NSMCE2: variants seen among roughly 807,000 people sequenced by gnomAD.
The protein encoded by NSMCE2 is E3 SUMO-protein ligase NSE2.
A neutral mutation model predicts 23.8 loss-of-function variants in NSMCE2; 24 were observed. The observed-to-expected ratio is 1.01, with a 90% CI of 0.73 to 1.42. The LOEUF (loss-of-function observed/expected upper bound fraction) is 1.42. Among genes scored for constraint, NSMCE2 ranks in the 40% most tolerant of loss-of-function variants. NSMCE2 has a pLI of 0.00. For missense variants in NSMCE2, 284 were observed against 296.5 expected, an observed-to-expected ratio of 0.96 and a Z score of 0.31; for synonymous variants, 92 against 94.1, an observed-to-expected ratio of 0.98 and a Z score of 0.13.
chr8:125,157,963 C>T (rs908706335), intron 4 of NSMCE2, among the ~76,000 whole-genome samples: 7 of 152,154 alleles, frequency 4.6e-5, no homozygotes, highest in Admixed American at 1.3e-4. Context: ...CTTAAAGACT[C>T]CAAAGCCTTT....
chr8:125,292,220 GAA>G (rs34130712), intron 5 of NSMCE2, among the ~76,000 whole-genome samples: 2 of 141,734 alleles, frequency 1.4e-5, no homozygotes. Flanking sequence ...GCTATGGGAG[GAA>G]AAAAAAAAAA....
In NSMCE2 at chr8:125,314,353, G is replaced by A. The variant is rs147020856; in HGVS notation, c.419-42866G>A. On this transcript the variant is annotated intron_variant, in intron 5 of 7. Coordinates refer to ENST00000287437, the MANE Select transcript of NSMCE2 (RefSeq NM_173685.4). ...CACCCAGGCTGGAGTCCAGTGGCAC[G>A]ATCTCAGGTCACTACAACCTCCACC... Among the ~76,000 whole-genome samples, 460 of 152,196 alleles carry A rather than the reference G, an allele frequency of 3.0e-3. 7 individuals carry two copies. Among genetic ancestry groups the A allele is most frequent in the African/African-American group, 0.01 (435 of 41,530 alleles).
At chr8:125,179,384 T>C (rs956015669) in intron 4 of NSMCE2, among the ~76,000 whole-genome samples, 1 of 152,252 alleles carries the variant, frequency 6.6e-6, no homozygotes, top group East Asian at 1.9e-4. Flanking sequence ...AAGAGGGGCA[T>C]CTTTATCTTT....
At chr8:125,305,734 C>T (rs897734535) in intron 5 of NSMCE2, among the ~76,000 whole-genome samples, 11 of 152,284 alleles carry the variant, frequency 7.2e-5, no homozygotes, top group African/African-American at 2.4e-4. Flanking sequence ...TAGAAACGCT[C>T]ATATACCTAT....
At chr8:125,176,487 C>G (rs1013362907) in intron 4 of NSMCE2, among the ~76,000 whole-genome samples, 1 of 152,088 alleles carries the variant, frequency 6.6e-6, no homozygotes, top group African/African-American at 2.4e-5. Context: ...TATCCAGTCT[C>G]CTTGGTGATC....
At chr8:125,101,620 T>A (rs1052965853) in intron 1 of NSMCE2, among the ~76,000 whole-genome samples, 6 of 152,228 alleles carry the variant, frequency 3.9e-5, no homozygotes, top group African/African-American at 1.4e-4. Flanking sequence ...TAAGCAGAGA[T>A]GTCCTTTTGT....
intron 5 of NSMCE2, among the ~76,000 whole-genome samples, chr8:125,339,741 T>A (rs539732940): frequency 6.6e-6 from 1 of 152,222 alleles, no homozygotes; most frequent in South Asian, 2.1e-4. Flanking sequence ...CCTCCAGTCA[T>A]TTTAAGAAGT....
intron 3 of NSMCE2, among the ~76,000 whole-genome samples, chr8:125,114,508 G>C (rs575289734): frequency 6.6e-6 from 1 of 152,194 alleles, no homozygotes; most frequent in Non-Finnish European, 1.5e-5. Flanking sequence ...CCATATCCAT[G>C]TATACATACA....
In NSMCE2 at chr8:125,366,829, G is replaced by A; in HGVS notation, c.688G>A (p.Ala230Thr). 1 of 1,613,732 alleles carries A rather than the reference G, an allele frequency of 6.2e-7. No individual in the cohort carries two copies. The highest frequency in any genetic ancestry group is 2.2e-5 in the East Asian group (1 of 44,882). The change falls in exon 8 of 8, where the codon GCA (alanine) becomes ACA (threonine). Residue 230 changes from alanine (A) to threonine (T), a missense_variant. By Grantham distance (58) the Ala-to-Thr change is moderately conservative. Coordinates refer to ENST00000287437, the MANE Select transcript of NSMCE2 (RefSeq NM_173685.4). ...IRKSDLIQDEALRRAIENHNK... is the reference protein window; with the variant it reads ...IRKSDLIQDETLRRAIENHNK... Reference sequence around the variant, plus strand: ...AAAGTCAGATCTTATCCAGGATGAAGCACTTAGAAGGGCAATTGAGAACCA... The same window carrying A: ...AAAGTCAGATCTTATCCAGGATGAAACACTTAGAAGGGCAATTGAGAACCA...
At chr8:125,274,877 C>T (rs890762700) in intron 5 of NSMCE2, among the ~76,000 whole-genome samples, 13 of 150,368 alleles carry the variant, frequency 8.6e-5, no homozygotes, top group South Asian at 2.1e-4. Context: ...TTGCAGTGAG[C>T]CAAGATCGCG....
chr8:125,260,557 A>G (rs180781489), intron 5 of NSMCE2, among the ~76,000 whole-genome samples: 7 of 149,474 alleles, frequency 4.7e-5, no homozygotes, highest in African/African-American at 1.7e-4. Flanking sequence ...AGTTTCCTCA[A>G]TAAAAAGAAT....
chr8:125,129,066 CAAAT>C (rs2130548254), intron 3 of NSMCE2, among the ~76,000 whole-genome samples: 1 of 152,162 alleles, frequency 6.6e-6, no homozygotes, highest in East Asian at 1.9e-4. Flanking sequence ...GTGGGGATGA[CAAAT>C]AAACAGTTGG....
chr8:125,250,096 T>C (rs1826141525), intron 5 of NSMCE2, among the ~76,000 whole-genome samples: 1 of 152,162 alleles, frequency 6.6e-6, no homozygotes, highest in Non-Finnish European at 1.5e-5. Context: ...TTCAAGCGAT[T>C]CTCCTGCCTC....
At chr8:125,311,719 T>G (rs1828978326) in intron 5 of NSMCE2, among the ~76,000 whole-genome samples, 1 of 152,248 alleles carries the variant, frequency 6.6e-6, no homozygotes, top group South Asian at 2.1e-4. Context: ...GCTTGGAAAT[T>G]AAGAAATTTG....
chr8:125,156,421 A>T (rs1330759084), intron 4 of NSMCE2: 1 of 153,142 alleles, frequency 6.5e-6, no homozygotes, highest in Non-Finnish European at 1.5e-5. Context: ...TATAAATTGT[A>T]TAAGATTTTA....
intron 5 of NSMCE2, among the ~76,000 whole-genome samples, chr8:125,309,789 C>A (rs1170672536): frequency 6.6e-6 from 1 of 152,160 alleles, no homozygotes; most frequent in East Asian, 1.9e-4. Flanking sequence ...CCGTGGACTT[C>A]TCAATCAAAA....
chr8:125,103,716 G>A (rs1227642090), intron 3 of NSMCE2, among the ~76,000 whole-genome samples: 1 of 152,080 alleles, frequency 6.6e-6, no homozygotes, highest in Non-Finnish European at 1.5e-5. Flanking sequence ...CTATTGCTAA[G>A]TTCATTCATC....
intron 5 of NSMCE2, among the ~76,000 whole-genome samples, chr8:125,211,404 A>G (rs1369934661): frequency 6.6e-6 from 1 of 152,188 alleles, no homozygotes; most frequent in South Asian, 2.1e-4. Flanking sequence ...CACATAATAT[A>G]TTTTGAATAT....
At chr8:125,146,635 C>G (rs1478391704) in intron 3 of NSMCE2, among the ~76,000 whole-genome samples, 2 of 152,104 alleles carry the variant, frequency 1.3e-5, no homozygotes, top group Non-Finnish European at 2.9e-5. Context: ...TCTCAGCAAA[C>G]TATCGCAAGG....
Sources: gnomAD v4.1 joint callset for allele counts (sites outside exome capture counted in the v4.1 genomes callset) on GRCh38, gnomAD v4.1.1 for gene constraint, MANE v1.5 for transcripts, NCBI Gene and HGNC (gene_info 2026-07-23, HGNC 2026-07-21) for gene names.